The following WWOX variants were observed in gnomAD, a reference collection of about 807,000 sequenced individuals.
The protein encoded by WWOX is WW domain-containing oxidoreductase.
WWOX carries 69 observed loss-of-function variants against 46.2 expected under a neutral mutation model. That is an observed-to-expected ratio of 1.49 (90% CI 1.23 to 1.82). The LOEUF (loss-of-function observed/expected upper bound fraction) is 1.82. WWOX is among the 40% of genes most tolerant of loss of function. The pLI is 0.00. For synonymous variants in WWOX, 359 were observed against 202.6 expected (o/e 1.77, Z -6.56); for missense variants, 919 against 542.6 (o/e 1.69, Z -6.89).
rs1292311577 is a variant in WWOX, at chr16:78,204,423, C to G, written c.516+40134C>G. On this transcript the variant is annotated intron_variant, in intron 5 of 8. Coordinates refer to ENST00000566780, the MANE Select transcript of WWOX (RefSeq NM_016373.4). ...TTGTGTTACAAGCAATCCAGTCACT[C>G]TTTTAGTTATATAAAAATGTACAGT... Among the ~76,000 whole-genome samples the G allele has an allele frequency of 2.0e-5, 3 of 152,098 alleles. No individual in the cohort carries two copies. In the South Asian group the frequency reaches 6.2e-4, roughly 32 times the overall value.
At chr16:78,987,031 A>G (rs2046797005) in intron 8 of WWOX, among the ~76,000 whole-genome samples, 3 of 152,146 alleles carry the variant, frequency 2.0e-5, no homozygotes, top group Admixed American at 1.3e-4. Context: ...GGCTGGGGAA[A>G]TGATCCTAGG....
rs1555536293 is a variant in WWOX, at chr16:78,422,663, G to GTATGTATATATA, written c.606-2204_606-2203insGTATATATATAT. On this transcript the variant is annotated intron_variant, in intron 6 of 8. Coordinates refer to ENST00000566780, the MANE Select transcript of WWOX (RefSeq NM_016373.4). Reference sequence around the variant, plus strand: ...GCCCAGCCTCCTGTTTTTTTTACATGTATATATATATATATATATATACAC... The same window carrying GTATGTATATATA: ...GCCCAGCCTCCTGTTTTTTTTACATGTATGTATATATATATATATATATATATATATATACAC... Among the ~76,000 whole-genome samples the GTATGTATATATA allele has an allele frequency of 8.6e-4, 21 of 24,410 alleles. 1 individual carries two copies. Among genetic ancestry groups the GTATGTATATATA allele is most frequent in the Non-Finnish European group, 1.3e-3 (12 of 9,240 alleles). 16.0% of individuals were successfully genotyped at this position (24,410 alleles called of 152,430 possible). A position where few individuals can be genotyped will look rare whatever the true frequency, so the allele number is the denominator to read the frequency against.
chr16:78,788,449 G>C (rs548750435), intron 8 of WWOX, among the ~76,000 whole-genome samples: 55 of 152,310 alleles, frequency 3.6e-4, no homozygotes, highest in African/African-American at 1.3e-3. Context: ...CAGAGAGTCA[G>C]TCCTGCCTTA....
intron 8 of WWOX, among the ~76,000 whole-genome samples, chr16:79,085,078 GC>G (rs1439220550): frequency 6.6e-6 from 1 of 151,990 alleles, no homozygotes; most frequent in Non-Finnish European, 1.5e-5. Context: ...GGCATGAGTC[GC>G]CACACTCAAT....
intron 8 of WWOX, among the ~76,000 whole-genome samples, chr16:78,700,225 C>T: frequency 6.7e-6 from 1 of 149,006 alleles, no homozygotes; most frequent in Non-Finnish European, 1.5e-5. Context: ...AGTCAGATGT[C>T]AGGGCACCAG....
At chr16:78,381,755 A>G (rs974888856) in intron 5 of WWOX, among the ~76,000 whole-genome samples, 1 of 152,154 alleles carries the variant, frequency 6.6e-6, no homozygotes, top group African/African-American at 2.4e-5. Flanking sequence ...GGATGATTGG[A>G]TGGATGGATG....
intron 8 of WWOX, among the ~76,000 whole-genome samples, chr16:78,567,069 G>C (rs1200255315): frequency 6.6e-6 from 1 of 152,110 alleles, no homozygotes; most frequent in Non-Finnish European, 1.5e-5. Flanking sequence ...CTAAGTGATA[G>C]GTGTATTCAT....
chr16:78,639,316 A>T (rs1395676150), intron 8 of WWOX, among the ~76,000 whole-genome samples: 1 of 152,202 alleles, frequency 6.6e-6, no homozygotes, highest in Non-Finnish European at 1.5e-5. Flanking sequence ...AGTCCTTACA[A>T]GGAGACCGGC....
In WWOX at chr16:79,154,327, C is replaced by G. The variant is rs781547468; in HGVS notation, c.1057-57281C>G. Among the ~76,000 whole-genome samples the G allele has an allele frequency of 3.9e-5, 6 of 152,266 alleles. No homozygotes were observed. The South Asian group carries it at 8.3e-4, about 21-fold the overall frequency. ...TTTGTTTCCAGCTGAGTTTCCTTTT[C>G]TGAAGATTGCCTGTCCTAGACACCA... On this transcript the variant is annotated intron_variant, in intron 8 of 8. Transcript: ENST00000566780.
At chr16:78,826,526 A>T (rs1397581287) in intron 8 of WWOX, among the ~76,000 whole-genome samples, 1 of 152,196 alleles carries the variant, frequency 6.6e-6, no homozygotes, top group African/African-American at 2.4e-5. Flanking sequence ...CTGCCTCTGC[A>T]GCCACATGGC....
intron 8 of WWOX, among the ~76,000 whole-genome samples, chr16:78,621,806 C>T (rs2046196502): frequency 6.6e-6 from 1 of 151,698 alleles, no homozygotes; most frequent in African/African-American, 2.4e-5. Flanking sequence ...GGGGTTTCAC[C>T]ATGTTAGCCA....
At chr16:78,723,619 T>TCTCTTCTCTTCTCTTCTC (rs2048751175) in intron 8 of WWOX, among the ~76,000 whole-genome samples, 1 of 97,338 alleles carries the variant, frequency 1.0e-5, no homozygotes, top group African/African-American at 4.1e-5. Context: ...TTTCTTTTCT[T>TCTCTTCTCTTCTCTTCTC]TTCTTTTCTT....
At chr16:79,094,592 A>G (rs1418424283) in intron 8 of WWOX, among the ~76,000 whole-genome samples, 1 of 151,244 alleles carries the variant, frequency 6.6e-6, no homozygotes, top group African/African-American at 2.4e-5. Context: ...ACAACAACAA[A>G]CTGCATCAGA....
chr16:78,676,403 A>ATTT (rs4035810), intron 8 of WWOX, among the ~76,000 whole-genome samples: 18 of 140,218 alleles, frequency 1.3e-4, no homozygotes, highest in Non-Finnish European at 1.9e-4. Flanking sequence ...CATATTTACT[A>ATTT]TTTTTTTTTT....
Position 78,751,773 on chromosome 16 carries a change from G to A in WWOX, c.1056+319021G>A, listed in dbSNP as rs192765600. 9.1e-3 allele frequency among the ~76,000 whole-genome samples: 1,373 copies of A among 151,376 alleles called. 12 individuals are homozygous for A. The highest frequency in any genetic ancestry group is 0.015 in the Non-Finnish European group (1,046 of 67,836). On this transcript the variant is annotated intron_variant, in intron 8 of 8. Transcript: ENST00000566780. Reference sequence around the variant, plus strand: ...AAGGAAGGAAGGAGGAAGGGAAGAAGGAGGGAGGGAGGGAAAGAGAGAGAG... The same window carrying A: ...AAGGAAGGAAGGAGGAAGGGAAGAAAGAGGGAGGGAGGGAAAGAGAGAGAG...
intron 5 of WWOX, among the ~76,000 whole-genome samples, chr16:78,369,675 A>T (rs1428861332): frequency 6.6e-6 from 1 of 152,102 alleles, no homozygotes; most frequent in Non-Finnish European, 1.5e-5. Flanking sequence ...ATTTCTCCAG[A>T]AAGGTCTCTC....
chr16:78,915,076 G>C (rs964659723), intron 8 of WWOX, among the ~76,000 whole-genome samples: 5 of 152,084 alleles, frequency 3.3e-5, no homozygotes, highest in Non-Finnish European at 7.4e-5. Context: ...CTGAGCAGGA[G>C]ATGGAAGACC....
chr16:78,679,483 A>C (rs1305324143), intron 8 of WWOX, among the ~76,000 whole-genome samples: 1 of 152,140 alleles, frequency 6.6e-6, no homozygotes, highest in Non-Finnish European at 1.5e-5. Flanking sequence ...CCCGGGGGGC[A>C]GAGGTTGCAG....
intron 8 of WWOX, among the ~76,000 whole-genome samples, chr16:79,094,833 C>T (rs1027841783): frequency 1.3e-5 from 2 of 151,970 alleles, no homozygotes; most frequent in African/African-American, 2.4e-5. Context: ...AAAAGGAGCC[C>T]AATATTTATT....
Sources: allele counts gnomAD v4.1 joint callset (sites outside exome capture counted in the v4.1 genomes callset), GRCh38; gene constraint gnomAD v4.1.1; transcripts MANE v1.5; gene names NCBI Gene and HGNC (gene_info 2026-07-23, HGNC 2026-07-21).